NCAN: variants seen among roughly 807,000 people sequenced by gnomAD.
NCAN encodes neurocan, also known as neurocan core protein.
In NCAN, 47 loss-of-function variants were observed where a neutral mutation model predicts 121.8. The observed-to-expected ratio is 0.39, with a 90% CI of 0.31 to 0.49. The LOEUF (loss-of-function observed/expected upper bound fraction) is 0.49. Ranked by LOEUF, NCAN falls within the 20% of genes least tolerant of loss-of-function variation. The pLI is 0.92. For missense variants in NCAN, 1,517 were observed against 1,773.4 expected (o/e 0.86, Z 2.60); for synonymous variants, 633 against 702.0 (o/e 0.90, Z 1.55).
chr19:19,223,928 C>G, intron 3 of NCAN, 93 bp from the exon 4 acceptor site: 1 of 1,302,998 alleles, frequency 7.7e-7, no homozygotes, highest in Non-Finnish European at 1.0e-6. Context: ...TATTATCAGA[C>G]AGGGGTGGGG....
intron 12 of NCAN, among the ~76,000 whole-genome samples, chr19:19,243,632 C>T (rs368947866): frequency 1.6e-4 from 24 of 152,094 alleles, no homozygotes; most frequent in African/African-American, 5.6e-4. Context: ...ACCCGGGAGG[C>T]GGAGGTTGCA....
At chr19:19,238,518 T>C in intron 11 of NCAN, 107 bp downstream of exon 11, 1 of 1,375,766 alleles carries the variant, frequency 7.3e-7, no homozygotes. Flanking sequence ...CAAGACGTCA[T>C]CTTTCCAAAG....
rs764118796 is a variant in NCAN, at chr19:19,227,751, A to G, written c.2131A>G (p.Thr711Ala). ...PRADFRETGE[T>A]SPAQVNKAEH... is the part of the protein sequence containing the mutation. The stretch of plus-strand genomic sequence containing the variant: ...GGCAGACTTCAGAGAAACTGGGGAG[A>G]CCAGCCCTGCTCAGGTCAACAAAGC... The change falls in exon 8 of 15, where the codon ACC (threonine) becomes GCC (alanine). Residue 711 changes from threonine (T) to alanine (A), a missense_variant. Physicochemically the swap from Thr to Ala is moderately conservative, Grantham distance 58. Coordinates refer to ENST00000252575, the MANE Select transcript of NCAN (RefSeq NM_004386.3). The surrounding 1 kb of genome is among the most constrained non-coding windows in gnomAD (Gnocchi z 4.2). The G allele has an allele frequency of 1.2e-6, 2 of 1,613,704 alleles. No individual in the cohort carries two copies. Among genetic ancestry groups the G allele is most frequent in the Admixed American group, 3.3e-5 (2 of 60,016 alleles).
intron 8 of NCAN, among the ~76,000 whole-genome samples, chr19:19,233,462 C>T (rs150649058): frequency 3.3e-5 from 5 of 152,204 alleles, no homozygotes; most frequent in African/African-American, 1.2e-4. Context: ...AGGGAGGACA[C>T]TGAAGCCCAT....
chr19:19,247,333 A>G (rs1002973281), intron 13 of NCAN, among the ~76,000 whole-genome samples: 2 of 152,020 alleles, frequency 1.3e-5, no homozygotes, highest in Non-Finnish European at 2.9e-5. Context: ...GGCTCACTAC[A>G]AGCTCCGCCT....
intron 12 of NCAN, among the ~76,000 whole-genome samples, chr19:19,244,669 T>C (rs1013836336): frequency 6.6e-6 from 1 of 151,730 alleles, no homozygotes; most frequent in Non-Finnish European, 1.5e-5. Flanking sequence ...GAAGTCCTCC[T>C]GGACTTCGGG....
intron 12 of NCAN, among the ~76,000 whole-genome samples, chr19:19,244,309 C>CTTTTTTTTTTTT (rs532412223): frequency 7.1e-5 from 9 of 127,614 alleles, no homozygotes; most frequent in African/African-American, 2.5e-4. Flanking sequence ...CCCTTACTAT[C>CTTTTTTTTTTTT]TTTTTTTTTT....
chr19:19,215,430 G>A (rs778950150), intron 1 of NCAN, among the ~76,000 whole-genome samples: 21 of 152,326 alleles, frequency 1.4e-4, no homozygotes, highest in Non-Finnish European at 2.4e-4. Flanking sequence ...GTGAAGTCAG[G>A]AAATGCACTG....
chr19:19,226,364 T>G, intron 6 of NCAN, 122 bp from the exon 7 acceptor site: 2 of 790,840 alleles, frequency 2.5e-6, no homozygotes, highest in Non-Finnish European at 4.0e-6. Flanking sequence ...AGAAACTACT[T>G]AGGAGAGACA....
At chr19:19,214,511 G>A (rs1237516624) in intron 1 of NCAN, among the ~76,000 whole-genome samples, 1 of 152,082 alleles carries the variant, frequency 6.6e-6, no homozygotes, top group East Asian at 1.9e-4. Context: ...TATTTTTAGC[G>A]TATACATGAG....
intron 12 of NCAN, among the ~76,000 whole-genome samples, chr19:19,243,820 G>A (rs1361254614): frequency 6.6e-6 from 1 of 152,028 alleles, no homozygotes; most frequent in African/African-American, 2.4e-5. Context: ...GAGGTCAGGA[G>A]TTCAAGACCA....
In NCAN at chr19:19,227,732, C is replaced by T. The variant is rs2228602; in HGVS notation, c.2112C>T (p.Asp704=). ...MPTTPESPRA[D]FRETGETSPA... ...CAACACCTGAGTCCCCCAGGGCAGA[C>T]TTCAGAGAAACTGGGGAGACCAGCC... Residue 704 remains aspartate (D), a synonymous_variant, in exon 8 of 15, where the codon GAC becomes GAT. Transcript: ENST00000252575. The surrounding 1 kb of genome is among the most constrained non-coding windows in gnomAD (Gnocchi z 4.2). The T allele has an allele frequency of 6.2e-7, 1 of 1,613,912 alleles. No individual in the cohort carries two copies. The highest frequency in any genetic ancestry group is 8.5e-7 in the Non-Finnish European group (1 of 1,180,030).
intron 6 of NCAN, among the ~76,000 whole-genome samples, chr19:19,226,001 C>A (rs2060835236): frequency 6.6e-6 from 1 of 151,364 alleles, no homozygotes; most frequent in Non-Finnish European, 1.5e-5. Context: ...GTGATCTCGG[C>A]TCACTGCAAC....
chr19:19,218,223 A>G (rs2060802973), intron 2 of NCAN, among the ~76,000 whole-genome samples: 1 of 151,976 alleles, frequency 6.6e-6, no homozygotes, highest in Admixed American at 6.6e-5. Context: ...GGTTGCAGTG[A>G]GCTGAGATCA....
intron 13 of NCAN, among the ~76,000 whole-genome samples, chr19:19,246,078 T>A (rs922992038): frequency 1.3e-5 from 2 of 151,976 alleles, no homozygotes; most frequent in Non-Finnish European, 2.9e-5. Flanking sequence ...GCTCTTGTTG[T>A]CCAGGCTGGA....
Position 19,227,444 on chromosome 19 carries a change from G to A in NCAN, c.1824G>A (p.Glu608=). The change falls in exon 8 of 15, where the codon GAG becomes GAA. Residue 608 remains glutamate, a synonymous_variant. Coordinates refer to ENST00000252575, the MANE Select transcript of NCAN (RefSeq NM_004386.3). The surrounding 1 kb of genome is among the most constrained non-coding windows in gnomAD (Gnocchi z 4.2). ...ATPDLFWSPL[E]ATVSAPSPAP... ...CAGACCTGTTTTGGTCCCCCTTGGAGGCCACTGTCTCAGCTCCCAGCCCTG... is the reference window on the plus strand; with the variant it reads ...CAGACCTGTTTTGGTCCCCCTTGGAAGCCACTGTCTCAGCTCCCAGCCCTG... 6.2e-7 allele frequency: 1 copy of A among 1,613,654 alleles called. No individual in the cohort carries two copies. The highest frequency in any genetic ancestry group is 8.5e-7 in the Non-Finnish European group (1 of 1,179,912).
chr19:19,220,678 T>C (rs572149994), intron 3 of NCAN, among the ~76,000 whole-genome samples: 104 of 152,136 alleles, frequency 6.8e-4, no homozygotes, highest in African/African-American at 1.4e-3. Flanking sequence ...AGGATGGTCT[T>C]GATCTCCTGA....
chr19:19,244,498 A>G (rs1455373168), intron 12 of NCAN, among the ~76,000 whole-genome samples: 2 of 151,742 alleles, frequency 1.3e-5, no homozygotes, highest in Non-Finnish European at 2.9e-5. Context: ...TATGAGAGAC[A>G]GGGTTTCACC....
intron 10 of NCAN, among the ~76,000 whole-genome samples, chr19:19,236,123 G>A (rs1274452327): frequency 6.6e-6 from 1 of 152,098 alleles, no homozygotes; most frequent in African/African-American, 2.4e-5. Flanking sequence ...TCTAGTTCCA[G>A]AACTTTTTCA....
Sources: gnomAD v4.1 joint callset for allele counts (sites outside exome capture counted in the v4.1 genomes callset) on GRCh38, gnomAD v4.1.1 for gene constraint, Gnocchi (gnomAD v3.1) non-coding constraint, MANE v1.5 for transcripts, NCBI Gene and HGNC (gene_info 2026-07-23, HGNC 2026-07-21) for gene names.